The following SLC16A7 variants were observed in gnomAD, a reference collection of about 807,000 sequenced individuals.
SLC16A7 encodes the protein monocarboxylate transporter 2.
SLC16A7 carries 33 observed loss-of-function variants against 34.9 expected under a neutral mutation model. The ratio of observed to expected loss-of-function variants is 0.94; its 90% confidence interval spans 0.72 to 1.26. The LOEUF (loss-of-function observed/expected upper bound fraction) is 1.26. Ranked by LOEUF, SLC16A7 falls within the 50% of genes most tolerant of loss-of-function variation. SLC16A7 has a pLI of 0.00. For synonymous variants in SLC16A7, 201 were observed against 206.6 expected (o/e 0.97, Z 0.23); for missense variants, 573 against 578.1 (o/e 0.99, Z 0.09).
chr12:59,754,928 C>T (rs1368580395), intron 3 of SLC16A7, among the ~76,000 whole-genome samples: 1 of 152,158 alleles, frequency 6.6e-6, no homozygotes, highest in Non-Finnish European at 1.5e-5. Context: ...TGGGCTTCAT[C>T]CCTGGGATGC....
chr12:59,707,360 C>T (rs764925000), intron 3 of SLC16A7, among the ~76,000 whole-genome samples: 3 of 151,906 alleles, frequency 2.0e-5, no homozygotes, highest in African/African-American at 7.2e-5. Flanking sequence ...CCTATGACAG[C>T]CCTCCACCCT....
chr12:59,735,521 TG>T (rs749261073), intron 3 of SLC16A7, among the ~76,000 whole-genome samples: 6 of 152,168 alleles, frequency 3.9e-5, no homozygotes, highest in Non-Finnish European at 7.3e-5. Flanking sequence ...GTTCTGTTTG[TG>T]GTAGGTTTTA....
chr12:59,638,263 T>A (rs1036819414), intron 1 of SLC16A7, among the ~76,000 whole-genome samples: 2 of 152,112 alleles, frequency 1.3e-5, no homozygotes, highest in Non-Finnish European at 2.9e-5. Flanking sequence ...AGGGGCAAGA[T>A]CTTTCTGGAA....
At chr12:59,675,171 T>C (rs989701830) in intron 2 of SLC16A7, among the ~76,000 whole-genome samples, 7 of 152,306 alleles carry the variant, frequency 4.6e-5, no homozygotes, top group African/African-American at 1.7e-4. Flanking sequence ...GCACAAATGG[T>C]TTCAAATATC....
chr12:59,780,815 C>G lies in SLC16A7; in HGVS notation c.*1136C>G, dbSNP rs1883194750. The G allele has an allele frequency of 1.3e-5, 2 of 152,110 alleles. No homozygotes were observed. The highest frequency in any genetic ancestry group is 2.9e-5 in the Non-Finnish European group (2 of 68,034). 9.4% of individuals were successfully genotyped at this position (152,110 alleles called of 1,614,324 possible). On this transcript the variant is annotated 3_prime_UTR_variant, in exon 6 of 6. Transcript: ENST00000547379. ...GTGAGGGGTGGTTTTAATGAACCCT[C>G]TAAGCTCTCTCAGTTCCTTCCCTTC...
intron 2 of SLC16A7, among the ~76,000 whole-genome samples, chr12:59,673,533 A>G (rs935548353): frequency 1.1e-4 from 17 of 151,662 alleles, no homozygotes; most frequent in Non-Finnish European, 1.5e-5. Context: ...TGTTAGCAAT[A>G]AAATATTTCA....
rs1283850027 is a variant in SLC16A7 at position 59,597,868 on chromosome 12, T to TC, written c.-130+1638dup. Among the ~76,000 whole-genome samples the TC allele has an allele frequency of 2.0e-5, 3 of 152,198 alleles. No homozygotes were observed. In the East Asian group the frequency reaches 5.8e-4, roughly 29 times the overall value. ...AGTTTGCAGTTACATATTACTTTTTTCCCCCCAAGGCATGTTTGAATAATA... is the reference window on the plus strand; with the variant it reads ...AGTTTGCAGTTACATATTACTTTTTTCCCCCCCAAGGCATGTTTGAATAATA... On this transcript the variant is annotated intron_variant, in intron 1 of 5. Transcript: ENST00000547379.
rs1039120009 is a variant in SLC16A7 at position 59,637,449 on chromosome 12, G to GT, written c.-129-17692dup. 3.0e-3 allele frequency among the ~76,000 whole-genome samples: 431 copies of GT among 144,656 alleles called. 2 individuals carry two copies. The highest frequency in any genetic ancestry group is 0.014 in the Middle Eastern group (4 of 278). The allele number at this position is 144,656 out of a possible 152,430, so 94.9% of individuals were successfully genotyped here. A position where few individuals can be genotyped will look rare whatever the true frequency, so the allele number is the denominator to read the frequency against. On this transcript the variant is annotated intron_variant, in intron 1 of 5. Transcript: ENST00000547379. Reference sequence around the variant, plus strand: ...CCTGCTCATTTATCATTCTCTTTCTGTTTTTTTTTTTCTCTTCTTTCTGTT... The same window carrying GT: ...CCTGCTCATTTATCATTCTCTTTCTGTTTTTTTTTTTTCTCTTCTTTCTGTT...
At chr12:59,762,770 G>A (rs773219319) in intron 3 of SLC16A7, among the ~76,000 whole-genome samples, 14 of 151,234 alleles carry the variant, frequency 9.3e-5, no homozygotes, top group Non-Finnish European at 1.8e-4. Flanking sequence ...ATAGTGCCTA[G>A]GAACAGCCAC....
At chr12:59,707,493 T>C (rs1873723629) in intron 3 of SLC16A7, among the ~76,000 whole-genome samples, 1 of 152,050 alleles carries the variant, frequency 6.6e-6, no homozygotes, top group Non-Finnish European at 1.5e-5. Context: ...TAAATGTTTT[T>C]ATTTTATTCA....
intron 1 of SLC16A7, among the ~76,000 whole-genome samples, chr12:59,626,346 G>T (rs979069619): frequency 6.6e-5 from 10 of 151,390 alleles, no homozygotes; most frequent in African/African-American, 2.2e-4. Flanking sequence ...TTATGTTCTG[G>T]GTTATTTCTA....
At chr12:59,779,348 A>T in intron 5 of SLC16A7, 75 bp from the exon 6 acceptor site, 1 of 1,134,634 alleles carries the variant, frequency 8.8e-7, no homozygotes, top group East Asian at 2.5e-5. Context: ...TACTTTGAAG[A>T]ATAATTTATT....
At chr12:59,621,637 G>A (rs1383826723) in intron 1 of SLC16A7, among the ~76,000 whole-genome samples, 1 of 151,788 alleles carries the variant, frequency 6.6e-6, no homozygotes, top group South Asian at 2.1e-4. Flanking sequence ...TATGAACATA[G>A]TTTTGTTTTG....
intron 1 of SLC16A7, among the ~76,000 whole-genome samples, chr12:59,638,599 A>G (rs1250188012): frequency 6.6e-6 from 1 of 152,084 alleles, no homozygotes; most frequent in Non-Finnish European, 1.5e-5. Flanking sequence ...TCTCCAGTCT[A>G]TTTGGTGTAA....
chr12:59,771,573 G>A (rs1882232610), intron 4 of SLC16A7, among the ~76,000 whole-genome samples: 2 of 151,984 alleles, frequency 1.3e-5, no homozygotes, highest in African/African-American at 4.8e-5. Context: ...TATCAGACAA[G>A]TTACATGTTA....
At chr12:59,663,256 A>T (rs1468063460) in intron 2 of SLC16A7, among the ~76,000 whole-genome samples, 1 of 151,944 alleles carries the variant, frequency 6.6e-6, no homozygotes, top group Non-Finnish European at 1.5e-5. Context: ...TTAACTATAC[A>T]TATGGGAGCC....
At chr12:59,612,181 G>A (rs1475277656) in intron 1 of SLC16A7, among the ~76,000 whole-genome samples, 1 of 152,182 alleles carries the variant, frequency 6.6e-6, no homozygotes, top group East Asian at 1.9e-4. Flanking sequence ...CTTCTGCCTC[G>A]ACATCTCGGC....
rs768202290 is a variant in SLC16A7 at position 59,779,654 on chromosome 12, C to T, written c.1412C>T (p.Thr471Ile). Residue 471 changes from threonine (T) to isoleucine (I), a missense_variant, in exon 6 of 6, where the codon ACC (threonine) becomes ATC (isoleucine). Coordinates refer to ENST00000547379, the MANE Select transcript of SLC16A7 (RefSeq NM_001270623.2). ...NVKVSNAQSV[T>I]SERETNI Reference sequence around the variant, plus strand: ...AAAGTTTCAAATGCACAGAGTGTAACCTCAGAAAGAGAAACTAACATTTAA... The same window carrying T: ...AAAGTTTCAAATGCACAGAGTGTAATCTCAGAAAGAGAAACTAACATTTAA... 2 of 1,609,880 alleles carry T rather than the reference C, an allele frequency of 1.2e-6. No homozygotes were observed. The highest frequency in any genetic ancestry group is 2.7e-5 in the African/African-American group (2 of 74,712).
intron 3 of SLC16A7, among the ~76,000 whole-genome samples, chr12:59,740,536 A>T (rs1323357663): frequency 6.6e-6 from 1 of 152,150 alleles, no homozygotes; most frequent in East Asian, 1.9e-4. Flanking sequence ...ACTCTCAATA[A>T]ATTAGGTATT....
Sources: allele counts gnomAD v4.1 joint callset (sites outside exome capture counted in the v4.1 genomes callset), GRCh38; gene constraint gnomAD v4.1.1; transcripts MANE v1.5; gene names NCBI Gene and HGNC (gene_info 2026-07-23, HGNC 2026-07-21).